The following PRKG1 variants were observed in gnomAD, a reference collection of about 807,000 sequenced individuals.
The protein encoded by PRKG1 is protein kinase cGMP-dependent 1.
In PRKG1, 35 loss-of-function variants were observed where a neutral mutation model predicts 88.1. The ratio of observed to expected loss-of-function variants is 0.40; its 90% confidence interval spans 0.30 to 0.53. The LOEUF is 0.53. PRKG1 is among the 20% of genes least tolerant of loss of function. The pLI, the probability that PRKG1 is intolerant of heterozygous loss-of-function variation, is 0.59. For missense variants in PRKG1, 540 were observed against 839.8 expected, an observed-to-expected ratio of 0.64 and a Z score of 4.41; for synonymous variants, 303 against 292.5, an observed-to-expected ratio of 1.04 and a Z score of -0.37.
chr10:51,741,994 T>G (rs1252310480), intron 3 of PRKG1, among the ~76,000 whole-genome samples: 1 of 152,202 alleles, frequency 6.6e-6, no homozygotes. Context: ...GTAGACTGGC[T>G]TTAGTAAACA....
intron 3 of PRKG1, among the ~76,000 whole-genome samples, chr10:51,581,531 G>C (rs894116110): frequency 6.6e-6 from 1 of 151,952 alleles, no homozygotes; most frequent in African/African-American, 2.4e-5. Context: ...TCCATTCCCC[G>C]AGCTATGAAC....
intron 2 of PRKG1, among the ~76,000 whole-genome samples, chr10:51,229,926 CAAAAAAAAAAA>C (rs35300789): frequency 2.7e-3 from 92 of 33,578 alleles, no homozygotes; most frequent in African/African-American, 7.4e-3. Flanking sequence ...GAGGCGATCT[CAAAAAAAAAAA>C]AAAAAAAAAA....
intron 7 of PRKG1, among the ~76,000 whole-genome samples, chr10:52,089,175 G>A (rs1291788105): frequency 1.3e-5 from 2 of 152,100 alleles, no homozygotes; most frequent in African/African-American, 4.8e-5. Context: ...ATTATGCTGA[G>A]CTCTTAGATT....
At chr10:51,502,816 TCTC>T (rs1183093415) in intron 3 of PRKG1, among the ~76,000 whole-genome samples, 1 of 152,130 alleles carries the variant, frequency 6.6e-6, no homozygotes, top group Non-Finnish European at 1.5e-5. Context: ...TCTAAGTCCT[TCTC>T]CTTCTTGAAT....
At chr10:51,200,548 T>C (rs535133226) in intron 2 of PRKG1, among the ~76,000 whole-genome samples, 1 of 152,310 alleles carries the variant, frequency 6.6e-6, no homozygotes, top group African/African-American at 2.4e-5. Context: ...CCTTACCAGA[T>C]TGTAACCATG....
At chr10:51,096,984 A>C (rs910890026) in intron 1 of PRKG1, among the ~76,000 whole-genome samples, 1 of 152,164 alleles carries the variant, frequency 6.6e-6, no homozygotes, top group African/African-American at 2.4e-5. Context: ...TGCATTAGCC[A>C]GTTTGGAAAT....
intron 3 of PRKG1, among the ~76,000 whole-genome samples, chr10:51,599,806 C>G (rs895069995): frequency 6.6e-6 from 1 of 152,164 alleles, no homozygotes; most frequent in African/African-American, 2.4e-5. Context: ...TCTTGATGAG[C>G]TCTTCTTGCC....
At chr10:51,845,515 T>C (rs1840375614) in intron 4 of PRKG1, among the ~76,000 whole-genome samples, 2 of 152,192 alleles carry the variant, frequency 1.3e-5, no homozygotes, top group East Asian at 3.8e-4. Context: ...TTTTCTCATA[T>C]GTAAAATGTG....
chr10:51,008,929 A>G (rs188683710), intron 1 of PRKG1, among the ~76,000 whole-genome samples: 3 of 152,242 alleles, frequency 2.0e-5, no homozygotes, highest in African/African-American at 7.2e-5. Context: ...TTCAAAGGAT[A>G]TGGTGTTGAT....
In PRKG1 at chr10:51,374,093, A is replaced by AAAAATATAT; in HGVS notation, c.479-93629_479-93628insAAATATATA. ...GCTGGCAGAGGTTGCAAAAAAAAAA[A>AAAAATATAT]ATATATATATATATATATATGTACT... On this transcript the variant is annotated intron_variant, in intron 2 of 17. Transcript: ENST00000373980. Among the ~76,000 whole-genome samples, 66 of 100,124 alleles carry AAAAATATAT rather than the reference A, an allele frequency of 6.6e-4. 4 individuals carry two copies. Among genetic ancestry groups the AAAAATATAT allele is most frequent in the African/African-American group, 8.4e-4 (25 of 29,658 alleles). The allele number at this position is 100,124 out of a possible 152,430, so 65.7% of individuals were successfully genotyped here. A position where few individuals can be genotyped will look rare whatever the true frequency, so the allele number is the denominator to read the frequency against.
At chr10:51,514,254 G>T (rs1451343518) in intron 3 of PRKG1, among the ~76,000 whole-genome samples, 1 of 152,018 alleles carries the variant, frequency 6.6e-6, no homozygotes, top group Middle Eastern at 3.4e-3. Context: ...TAGAAGAAAT[G>T]GATACATTCC....
chr10:52,223,771 T>A (rs1441559221), intron 9 of PRKG1, among the ~76,000 whole-genome samples: 1 of 152,132 alleles, frequency 6.6e-6, no homozygotes, highest in African/African-American at 2.4e-5. Flanking sequence ...TTTTCCCTAT[T>A]TTACTAAAAA....
intron 1 of PRKG1, among the ~76,000 whole-genome samples, chr10:51,048,613 G>C (rs1023912888): frequency 1.2e-4 from 18 of 152,140 alleles, no homozygotes; most frequent in Admixed American, 6.6e-5. Flanking sequence ...TGTGGGAAAA[G>C]TTGCTTTCCT....
intron 1 of PRKG1, among the ~76,000 whole-genome samples, chr10:51,040,811 T>G (rs1428566359): frequency 6.6e-6 from 1 of 152,190 alleles, no homozygotes; most frequent in African/African-American, 2.4e-5. Flanking sequence ...TTTTGTATCC[T>G]GCGTCTTTAC....
At chr10:51,515,842 C>A (rs192695537) in intron 3 of PRKG1, among the ~76,000 whole-genome samples, 1 of 152,288 alleles carries the variant, frequency 6.6e-6, no homozygotes, top group Non-Finnish European at 1.5e-5. Flanking sequence ...CGGCCGACCA[C>A]TTTGGTGCCT....
intron 9 of PRKG1, among the ~76,000 whole-genome samples, chr10:52,167,236 A>G (rs1838505308): frequency 6.6e-6 from 1 of 152,050 alleles, no homozygotes; most frequent in African/African-American, 2.4e-5. Flanking sequence ...CATGAAGAGA[A>G]AGGGATCAAG....
At chr10:51,885,449 T>C (rs1013221006) in intron 4 of PRKG1, among the ~76,000 whole-genome samples, 6 of 152,258 alleles carry the variant, frequency 3.9e-5, no homozygotes, top group African/African-American at 1.4e-4. Context: ...TTTAATAAAT[T>C]ATCTGGGAAC....
intron 3 of PRKG1, among the ~76,000 whole-genome samples, chr10:51,724,806 C>T (rs1842092517): frequency 6.6e-6 from 1 of 152,000 alleles, no homozygotes; most frequent in Admixed American, 6.6e-5. Context: ...AATCCGTCCT[C>T]CTGCCTCAGC....
chr10:51,357,910 G>T (rs1842400253), intron 2 of PRKG1, among the ~76,000 whole-genome samples: 1 of 151,792 alleles, frequency 6.6e-6, no homozygotes, highest in Non-Finnish European at 1.5e-5. Context: ...TAAATGCTAA[G>T]TTTTCATTAC....
Sources: allele counts gnomAD v4.1 joint callset (sites outside exome capture counted in the v4.1 genomes callset), GRCh38; gene constraint gnomAD v4.1.1; transcripts MANE v1.5; gene names NCBI Gene and HGNC (gene_info 2026-07-23, HGNC 2026-07-21).